GRM8: variants seen among roughly 807,000 people sequenced by gnomAD.
The protein encoded by GRM8 is glutamate metabotropic receptor 8.
In GRM8, 47 loss-of-function variants were observed where a neutral mutation model predicts 87.2. That is an observed-to-expected ratio of 0.54 (90% confidence interval 0.43 to 0.69). The LOEUF (loss-of-function observed/expected upper bound fraction) is 0.69, where lower values mean the gene tolerates loss of function less well. Among genes scored for constraint, GRM8 ranks in the 30% least tolerant of loss-of-function variants. The pLI is 0.00. For missense variants in GRM8, 1,019 were observed against 1,139.2 expected, an observed-to-expected ratio of 0.89 and a Z score of 1.52; for synonymous variants, 396 against 404.5, an observed-to-expected ratio of 0.98 and a Z score of 0.25.
chr7:127,238,306 ATGTGTGTGTGTGTG>A (rs3039798), intron 2 of GRM8, among the ~76,000 whole-genome samples: 1 of 146,764 alleles, frequency 6.8e-6, no homozygotes, highest in Non-Finnish European at 1.5e-5. Context: ...GTGTGTGTGC[ATGTGTGTGTGTGTG>A]TGTGTGTGTG....
chr7:127,232,181 C>CTTTGTG (rs1554616378), intron 2 of GRM8, among the ~76,000 whole-genome samples: 44 of 103,514 alleles, frequency 4.3e-4, no homozygotes, highest in South Asian at 2.5e-3. Context: ...TCTGTTTCTT[C>CTTTGTG]TTTGTGTGTG....
At chr7:127,208,380 A>G (rs150804957) in intron 2 of GRM8, among the ~76,000 whole-genome samples, 2 of 152,266 alleles carry the variant, frequency 1.3e-5, no homozygotes, top group Non-Finnish European at 2.9e-5. Flanking sequence ...TTCCTCCCTC[A>G]AAGTGTCTGT....
At chr7:126,969,544 G>T (rs1244970818) in intron 3 of GRM8, among the ~76,000 whole-genome samples, 2 of 152,144 alleles carry the variant, frequency 1.3e-5, no homozygotes, top group African/African-American at 4.8e-5. Flanking sequence ...AAGCAATTCA[G>T]TCACATCATC....
At chr7:126,817,690 A>T (rs1221096449) in intron 6 of GRM8, among the ~76,000 whole-genome samples, 1 of 152,130 alleles carries the variant, frequency 6.6e-6, no homozygotes, top group African/African-American at 2.4e-5. Context: ...GTTTTGAGCA[A>T]TTGATTTTCA....
chr7:127,078,930 G>T (rs967818277), intron 3 of GRM8, among the ~76,000 whole-genome samples: 2 of 152,090 alleles, frequency 1.3e-5, no homozygotes, highest in Admixed American at 6.5e-5. Flanking sequence ...AAGAAAAATT[G>T]ACATTCATCT....
chr7:126,752,036 TCCAATTCAA>T (rs148971719), intron 7 of GRM8, among the ~76,000 whole-genome samples: 4,505 of 152,212 alleles, frequency 0.03, 250 homozygotes, highest in African/African-American at 0.1. Flanking sequence ...ATCTAACCCA[TCCAATTCAA>T]CCTCTTCCTC....
At chr7:126,565,702 A>C (rs56256561) in intron 8 of GRM8, among the ~76,000 whole-genome samples, 27,626 of 152,086 alleles carry the variant, frequency 0.18, 2,593 homozygotes, top group South Asian at 0.23. Flanking sequence ...AATTTATATT[A>C]AACTATAAAA....
chr7:127,219,247 A>G (rs1796766180), intron 2 of GRM8, among the ~76,000 whole-genome samples: 2 of 152,176 alleles, frequency 1.3e-5, no homozygotes, highest in Admixed American at 1.3e-4. Flanking sequence ...AGGAAGCCAC[A>G]TCCTGAGAAT....
At chr7:126,914,988 T>C (rs1269350353) in intron 3 of GRM8, among the ~76,000 whole-genome samples, 1 of 152,154 alleles carries the variant, frequency 6.6e-6, no homozygotes, top group African/African-American at 2.4e-5. Context: ...AGAGAGCCCC[T>C]CTCCTGCCTG....
At chr7:127,051,474 G>T (rs1586856938) in intron 3 of GRM8, among the ~76,000 whole-genome samples, 2 of 152,084 alleles carry the variant, frequency 1.3e-5, no homozygotes, top group South Asian at 4.1e-4. Flanking sequence ...GACCCTATTT[G>T]TGTTGGCCTG....
At chr7:126,590,833 A>C (rs1221174263) in intron 8 of GRM8, among the ~76,000 whole-genome samples, 1 of 152,180 alleles carries the variant, frequency 6.6e-6, no homozygotes, top group Non-Finnish European at 1.5e-5. Context: ...GAGAGAATAT[A>C]CCACTACCAA....
chr7:126,984,764 A>G (rs1297910162), intron 3 of GRM8, among the ~76,000 whole-genome samples: 4 of 152,112 alleles, frequency 2.6e-5, no homozygotes, highest in African/African-American at 9.7e-5. Context: ...ATGACTCCCT[A>G]TTATCTATGG....
At chr7:126,506,093 G>C (rs1810423435) in intron 9 of GRM8, among the ~76,000 whole-genome samples, 1 of 151,958 alleles carries the variant, frequency 6.6e-6, no homozygotes, top group South Asian at 2.1e-4. Flanking sequence ...TACAGTATTT[G>C]TCTTTCTGTG....
intron 9 of GRM8, among the ~76,000 whole-genome samples, chr7:126,531,751 G>T (rs1010193753): frequency 6.6e-6 from 1 of 152,190 alleles, no homozygotes; most frequent in African/African-American, 2.4e-5. Context: ...AATAGTTGAA[G>T]GCCACATTGA....
At chr7:126,644,086 G>T (rs1252767513) in intron 7 of GRM8, among the ~76,000 whole-genome samples, 2 of 152,178 alleles carry the variant, frequency 1.3e-5, no homozygotes, top group Non-Finnish European at 2.9e-5. Flanking sequence ...AAAGTCGATG[G>T]TGAATCTTAC....
intron 6 of GRM8, among the ~76,000 whole-genome samples, chr7:126,820,326 T>C (rs973850769): frequency 6.6e-6 from 1 of 152,194 alleles, no homozygotes; most frequent in Non-Finnish European, 1.5e-5. Flanking sequence ...GAAATATAGA[T>C]GGCTAATAAA....
chr7:126,675,086 C>CCTT (rs1184926005), intron 7 of GRM8, among the ~76,000 whole-genome samples: 6 of 152,124 alleles, frequency 3.9e-5, no homozygotes, highest in Non-Finnish European at 1.5e-5. Flanking sequence ...GGAGGTAGGG[C>CCTT]CTTTACAAAG....
chr7:126,693,684 A>G (rs528485701), intron 7 of GRM8, among the ~76,000 whole-genome samples: 1 of 152,304 alleles, frequency 6.6e-6, no homozygotes, highest in African/African-American at 2.4e-5. Context: ...TTTCTGAACC[A>G]AAGAGCAAGA....
At chr7:126,828,777 C>A (rs999302929) in intron 6 of GRM8, among the ~76,000 whole-genome samples, 2 of 152,118 alleles carry the variant, frequency 1.3e-5, no homozygotes, top group East Asian at 3.9e-4. Flanking sequence ...TTCTCTAGTT[C>A]TTTTAATTGT....
Sources: allele counts gnomAD v4.1 joint callset (sites outside exome capture counted in the v4.1 genomes callset), GRCh38; gene constraint gnomAD v4.1.1; transcripts MANE v1.5; gene names NCBI Gene and HGNC (gene_info 2026-07-23, HGNC 2026-07-21).